Variants in PRRC2A observed in about 807,000 individuals in gnomAD.
PRRC2A encodes the protein protein PRRC2A.
Under a neutral mutation model 224.6 loss-of-function variants are expected in PRRC2A, and 59 were observed. The observed-to-expected ratio is 0.26, with a 90% CI of 0.21 to 0.33. PRRC2A has a LOEUF of 0.33. PRRC2A is among the 10% of genes least tolerant of loss of function. PRRC2A has a pLI of 1.00. For missense variants in PRRC2A, 3,095 were observed against 2,880.7 expected, an observed-to-expected ratio of 1.07 and a Z score of -1.70; for synonymous variants, 1,194 against 1,109.5, an observed-to-expected ratio of 1.08 and a Z score of -1.51.
rs765242269 is a variant in PRRC2A, at chr6:31,636,366, C to T, written c.5782C>T (p.Leu1928Phe). ...AGTTCTCTACCCTCCACCTTCCTTCCTCTACTCTCCGGCTTTCTGCCCCAG... is the reference window on the plus strand; with the variant it reads ...AGTTCTCTACCCTCCACCTTCCTTCTTCTACTCTCCGGCTTTCTGCCCCAG... Reference protein sequence around the residue: ...GGVLYPPPSFLYSPAFCPSPL... With the variant: ...GGVLYPPPSFFYSPAFCPSPL... The change falls in exon 26 of 31, where the codon CTC (leucine) becomes TTC (phenylalanine). Residue 1928 changes from leucine to phenylalanine, a missense_variant. Physicochemically the swap from Leu to Phe is conservative, Grantham distance 22. Around this residue, in one of 8 missense-constraint regions of PRRC2A, gnomAD observed 662 missense variants for 609.5 expected, o/e 1.09. Coordinates refer to ENST00000376033, the MANE Select transcript of PRRC2A (RefSeq NM_004638.4). This position sits in a 1 kb window ranked among gnomAD's most constrained non-coding sequence, Gnocchi z 4.3. The T allele has an allele frequency of 3.7e-6, 6 of 1,612,890 alleles. No homozygotes were observed. The African/African-American group carries it at 8.0e-5, about 22-fold the overall frequency.
In PRRC2A at chr6:31,634,529, G is replaced by T. The variant is rs1358958754; in HGVS notation, c.4907G>T (p.Ser1636Ile). Residue 1636 changes from serine (S) to isoleucine (I), a missense_variant, in exon 20 of 31, where the codon AGT becomes ATT. Around this residue, in one of 8 missense-constraint regions of PRRC2A, gnomAD observed 2,001 missense variants for 1,764.9 expected, o/e 1.13. Coordinates refer to ENST00000376033, the MANE Select transcript of PRRC2A (RefSeq NM_004638.4). ...ATGGAGCCTTGGATGGAGCCCCTGA[G>T]TCCTTTTGAGGATGTGGCTGGCACA... ...SSMEPWMEPL[S>I]PFEDVAGTEM... 6.2e-7 allele frequency: 1 copy of T among 1,612,738 alleles called. No homozygotes were observed. The highest frequency in any genetic ancestry group is 1.1e-5 in the South Asian group (1 of 91,042).
At position 31,632,788 on chromosome 6, in the gene PRRC2A, A is replaced by G; in HGVS notation, c.4115A>G (p.Asp1372Gly). 1 of 1,613,088 alleles carries G rather than the reference A, an allele frequency of 6.2e-7. No individual in the cohort carries two copies. The highest frequency in any genetic ancestry group is 8.5e-7 in the Non-Finnish European group (1 of 1,180,008). ...GGTATTTCAGCCATGTCCCGCGGAGATCTGAGCCAGAGAGCCAAGGATTTG... is the reference window on the plus strand; with the variant it reads ...GGTATTTCAGCCATGTCCCGCGGAGGTCTGAGCCAGAGAGCCAAGGATTTG... ...VPGISAMSRG[D>G]LSQRAKDLSK... The change falls in exon 16 of 31, where the codon GAT becomes GGT. Residue 1372 changes from aspartate (D) to glycine (G), a missense_variant. Asp to Gly is a moderately conservative substitution (Grantham distance 94). This residue lies in a region of PRRC2A where 2,001 missense variants were observed against 1,764.9 expected (regional missense o/e 1.13). Transcript: ENST00000376033.
rs1421864620 is a variant in PRRC2A, at chr6:31,625,710, G to A, written c.760-82G>A. 6.3e-7 allele frequency: 1 copy of A among 1,576,328 alleles called. No individual in the cohort carries two copies. Among genetic ancestry groups the A allele is most frequent in the Non-Finnish European group, 8.7e-7 (1 of 1,145,860 alleles). ...ACCTATGAGATAGAAGGGAGGGTGGGAGGATGATTGATAGCAGGCTTAAGG... is the reference window on the plus strand; with the variant it reads ...ACCTATGAGATAGAAGGGAGGGTGGAAGGATGATTGATAGCAGGCTTAAGG... On this transcript the variant is annotated intron_variant, in intron 7 of 30. Transcript: ENST00000376033. This position sits in a 1 kb window ranked among gnomAD's most constrained non-coding sequence, Gnocchi z 4.1.
chr6:31,623,255 A>G (rs765829371), intron 2 of PRRC2A: 5 of 470,960 alleles, frequency 1.1e-5, no homozygotes, highest in African/African-American at 6.8e-5. Flanking sequence ...TAGGGATTTC[A>G]TAGATTTTTT....
chr6:31,624,221 C>A, intron 3 of PRRC2A, 40 bp from the exon 4 acceptor site: 1 of 1,569,402 alleles, frequency 6.4e-7, no homozygotes, highest in Non-Finnish European at 8.8e-7. Context: ...GTCAGGGAGG[C>A]ATCTCAGGTG....
Position 31,633,450 on chromosome 6 carries a change from G to A in PRRC2A, c.4391G>A (p.Arg1464His). The change falls in exon 17 of 31, where the codon CGC (arginine) becomes CAC (histidine). Residue 1464 changes from arginine (R) to histidine (H), a missense_variant. Coordinates refer to ENST00000376033, the MANE Select transcript of PRRC2A (RefSeq NM_004638.4). ...PPPPSSSAVF[R>H]LDQVIHSNPA... ...CCTCCCAGCAGTTCTGCTGTCTTCC[G>A]CCTGGACCAAGTTATCCACAGCAAC... 2 of 1,613,044 alleles carry A rather than the reference G, an allele frequency of 1.2e-6. No homozygotes were observed. Among genetic ancestry groups the A allele is most frequent in the South Asian group, 1.1e-5 (1 of 91,090 alleles).
chr6:31,627,884 G>A lies in PRRC2A; in HGVS notation c.1410G>A (p.Arg470=). ...ISLAVERARR[R]REEEERRMQE... ...TGGCAGTGGAGCGGGCCCGGCGACG[G>A]CGAGAAGAAGAGGAGCGGCGCATGC... The change falls in exon 12 of 31, where the codon CGG becomes CGA. Residue 470 remains arginine, a synonymous_variant. Transcript: ENST00000376033. The surrounding 1 kb of genome is among the most constrained non-coding windows in gnomAD (Gnocchi z 5.6). 1 of 1,613,044 alleles carries A rather than the reference G, an allele frequency of 6.2e-7. No individual in the cohort carries two copies. The highest frequency in any genetic ancestry group is 8.5e-7 in the Non-Finnish European group (1 of 1,180,032).
chr6:31,625,325 G>C lies in PRRC2A; in HGVS notation c.607+11G>C, dbSNP rs889080840. 6.2e-7 allele frequency: 1 copy of C among 1,613,918 alleles called. No individual in the cohort carries two copies. The highest frequency in any genetic ancestry group is 1.3e-5 in the African/African-American group (1 of 74,940). Reference sequence around the variant, plus strand: ...GCCTCCGCCCCCAAAGTGAGTGGCTGCCTTTTGGCCAAGACATTACCTATT... The same window carrying C: ...GCCTCCGCCCCCAAAGTGAGTGGCTCCCTTTTGGCCAAGACATTACCTATT... On this transcript the variant is annotated intron_variant, in intron 6 of 30. Transcript: ENST00000376033. This position sits in a 1 kb window ranked among gnomAD's most constrained non-coding sequence, Gnocchi z 4.1.
In PRRC2A at chr6:31,629,800, G is replaced by A; in HGVS notation, c.2209G>A (p.Gly737Ser). 6.2e-7 allele frequency: 1 copy of A among 1,613,804 alleles called. No individual in the cohort carries two copies. Among genetic ancestry groups the A allele is most frequent in the East Asian group, 2.2e-5 (1 of 44,874 alleles). ...PPYVDPRLLQGRPPLDFYPPG... is the reference protein window; with the variant it reads ...PPYVDPRLLQSRPPLDFYPPG... Reference sequence around the variant, plus strand: ...TTATGTGGACCCCCGGCTCCTCCAGGGTCGTCCCCCTCTAGACTTCTACCC... The same window carrying A: ...TTATGTGGACCCCCGGCTCCTCCAGAGTCGTCCCCCTCTAGACTTCTACCC... The change falls in exon 14 of 31, where the codon GGT becomes AGT. Residue 737 changes from glycine (G) to serine (S), a missense_variant. This residue lies in a region of PRRC2A where 2,001 missense variants were observed against 1,764.9 expected (regional missense o/e 1.13). Transcript: ENST00000376033.
chr6:31,633,010 A>G lies in PRRC2A; in HGVS notation c.4319+18A>G. 4.0e-6 allele frequency: 6 copies of G among 1,506,716 alleles called. No homozygotes were observed. The highest frequency in any genetic ancestry group is 4.4e-6 in the Non-Finnish European group (5 of 1,129,886). 93.3% of individuals were successfully genotyped at this position (1,506,716 alleles called of 1,614,324 possible). ...AACCGAAGGTGGGTAGGAACAAACA[A>G]ATTTATTGTGGTTTAAAAATTGGAG... On this transcript the variant is annotated intron_variant, in intron 16 of 30. Coordinates refer to ENST00000376033, the MANE Select transcript of PRRC2A (RefSeq NM_004638.4).
Position 31,633,471 on chromosome 6 carries a change from G to T in PRRC2A, c.4412G>T (p.Ser1471Ile). ...AVFRLDQVIH[S>I]NPAGIQQALA... ...TTCCGCCTGGACCAAGTTATCCACA[G>T]CAACCCTGCTGGCATCCAACAGGCT... Residue 1471 changes from serine (S) to isoleucine (I), a missense_variant, in exon 17 of 31, where the codon AGC becomes ATC. Transcript: ENST00000376033. 6.2e-7 allele frequency: 1 copy of T among 1,613,106 alleles called. No individual in the cohort carries two copies. Among genetic ancestry groups the T allele is most frequent in the South Asian group, 1.1e-5 (1 of 91,092 alleles).
At chr6:31,623,225 A>T (rs767262722) in intron 2 of PRRC2A, 1 of 637,758 alleles carries the variant, frequency 1.6e-6, no homozygotes, top group South Asian at 1.4e-5. Context: ...ATTGAATGTT[A>T]CATATCTCAG....
In PRRC2A at chr6:31,635,195, G is replaced by A; in HGVS notation, c.5224G>A (p.Asp1742Asn). The A allele has an allele frequency of 6.2e-7, 1 of 1,612,904 alleles. No homozygotes were observed. The highest frequency in any genetic ancestry group is 8.5e-7 in the Non-Finnish European group (1 of 1,178,864). The change falls in exon 22 of 31, where the codon GAC becomes AAC. Residue 1742 changes from aspartate to asparagine, a missense_variant. Asp to Asn is a conservative substitution (Grantham distance 23). Around this residue, in one of 8 missense-constraint regions of PRRC2A, gnomAD observed 662 missense variants for 609.5 expected, o/e 1.09. Coordinates refer to ENST00000376033, the MANE Select transcript of PRRC2A (RefSeq NM_004638.4). ...TGGCACAGAACGATCACAGCGTACA[G>A]ACCGAGGCACAGAGCCTGGCCCCAT... ...PIGTERSQRT[D>N]RGTEPGPIRP...
intron 20 of PRRC2A, 80 bp downstream of exon 20, chr6:31,634,637 T>C: frequency 6.3e-7 from 1 of 1,580,064 alleles, no homozygotes; most frequent in Non-Finnish European, 8.7e-7. Context: ...CTGGGTTGAG[T>C]CTGGAGCTGT....
chr6:31,633,911 T>C lies in PRRC2A; in HGVS notation c.4641T>C (p.Pro1547=). The C allele has an allele frequency of 3.2e-6, 5 of 1,585,128 alleles. No individual in the cohort carries two copies. The highest frequency in any genetic ancestry group is 4.3e-6 in the Non-Finnish European group (5 of 1,173,048). Residue 1547 remains proline, a synonymous_variant, in exon 18 of 31, where the codon CCT becomes CCC. Coordinates refer to ENST00000376033, the MANE Select transcript of PRRC2A (RefSeq NM_004638.4). Reference sequence around the variant, plus strand: ...TGGTGAGAGGGGTGGGTGGGACTCCTCGGGACTCTGCCGGGGTTAGTCCCT... The same window carrying C: ...TGGTGAGAGGGGTGGGTGGGACTCCCCGGGACTCTGCCGGGGTTAGTCCCT... ...GPMVRGVGGT[P]RDSAGVSPFP...
rs991195694 is a variant in PRRC2A at position 31,628,167 on chromosome 6, G to C, written c.1693G>C (p.Ala565Pro). ...ATCTACTCCTACTCCAGGTGTGGCT[G>C]CGGCTCCCACTCTGGTGAGTGGTGG... ...AQSTPTPGVA[A>P]APTLVSGGGS... is the part of the protein sequence containing the mutation. Residue 565 changes from alanine to proline, a missense_variant, in exon 12 of 31, where the codon GCG becomes CCG. By Grantham distance (27) the Ala-to-Pro change is conservative. This residue lies in a region of PRRC2A where 2,001 missense variants were observed against 1,764.9 expected (regional missense o/e 1.13). Coordinates refer to ENST00000376033, the MANE Select transcript of PRRC2A (RefSeq NM_004638.4). 2 of 1,612,976 alleles carry C rather than the reference G, an allele frequency of 1.2e-6. No homozygotes were observed. The highest frequency in any genetic ancestry group is 3.3e-5 in the Admixed American group (2 of 60,002).
Position 31,625,231 on chromosome 6 carries a change from C to G in PRRC2A, c.524C>G (p.Ala175Gly), listed in dbSNP as rs746400919. Reference protein sequence around the residue: ...FSREEFPTLQAAGDQDKAAKE... With the variant: ...FSREEFPTLQGAGDQDKAAKE... Reference sequence around the variant, plus strand: ...CGAGAGGAATTTCCGACCCTGCAGGCGGCTGGCGACCAGGACAAGGCTGCC... The same window carrying G: ...CGAGAGGAATTTCCGACCCTGCAGGGGGCTGGCGACCAGGACAAGGCTGCC... The change falls in exon 6 of 31, where the codon GCG (alanine) becomes GGG (glycine). Residue 175 changes from alanine to glycine, a missense_variant. Around this residue, in one of 8 missense-constraint regions of PRRC2A, gnomAD observed 287 missense variants for 275.3 expected, o/e 1.04. Transcript: ENST00000376033. The surrounding 1 kb of genome is among the most constrained non-coding windows in gnomAD (Gnocchi z 4.1). 5 of 1,613,004 alleles carry G rather than the reference C, an allele frequency of 3.1e-6. No homozygotes were observed. The Admixed American group carries it at 8.3e-5, about 27-fold the overall frequency.
rs1278922981 is a variant in PRRC2A at position 31,628,141 on chromosome 6, A to T, written c.1667A>T (p.Gln556Leu). 19 of 1,613,002 alleles carry T rather than the reference A, an allele frequency of 1.2e-5. No individual in the cohort carries two copies. Among genetic ancestry groups the T allele is most frequent in the Non-Finnish European group, 1.4e-5 (17 of 1,180,016 alleles). Residue 556 changes from glutamine to leucine, a missense_variant, in exon 12 of 31, where the codon CAA becomes CTA. Physicochemically the swap from Gln to Leu is moderately radical, Grantham distance 113. Around this residue, in one of 8 missense-constraint regions of PRRC2A, gnomAD observed 2,001 missense variants for 1,764.9 expected, o/e 1.13. Transcript: ENST00000376033. ...PEEPAQAPPAQSTPTPGVAAA... is the reference protein window; with the variant it reads ...PEEPAQAPPALSTPTPGVAAA... ...GAGCCAGCACAGGCCCCTCCTGCCC[A>T]ATCTACTCCTACTCCAGGTGTGGCT... is the stretch of plus-strand genomic sequence containing the variant.
chr6:31,637,206 C>T, intron 29 of PRRC2A, 28 bp from the exon 30 acceptor site: 2 of 1,606,338 alleles, frequency 1.2e-6, no homozygotes, highest in South Asian at 1.1e-5. Flanking sequence ...GGATCCTAGG[C>T]TTGCCTTAGA....
Sources: allele counts gnomAD v4.1 joint callset, GRCh38; gene constraint gnomAD v4.1.1; regional missense constraint gnomAD v4.1.1; non-coding constraint Gnocchi (gnomAD v3.1); transcripts MANE v1.5; gene names NCBI Gene and HGNC (gene_info 2026-07-23, HGNC 2026-07-21).